The following NEK10 variants were observed in gnomAD, a reference collection of about 807,000 sequenced individuals.
NEK10 encodes NIMA related kinase 10.
A neutral mutation model predicts 159.8 loss-of-function variants in NEK10; 122 were observed. That is an observed-to-expected ratio of 0.76 (90% CI 0.66 to 0.89). The LOEUF (loss-of-function observed/expected upper bound fraction) is 0.89. Ranked by LOEUF, NEK10 falls within the 40% of genes least tolerant of loss-of-function variation. The probability of loss-of-function intolerance (pLI) is 0.00; values close to 1 mark genes in which losing one functional copy is unlikely to be tolerated. For missense variants in NEK10, 1,342 were observed against 1,323.1 expected, an observed-to-expected ratio of 1.01 and a Z score of -0.22; for synonymous variants, 466 against 457.1, an observed-to-expected ratio of 1.02 and a Z score of -0.25.
At chr3:27,193,165 C>G (rs1284565412) in intron 25 of NEK10, among the ~76,000 whole-genome samples, 1 of 152,132 alleles carries the variant, frequency 6.6e-6, no homozygotes, top group East Asian at 1.9e-4. Flanking sequence ...CCATCCCTTC[C>G]TACATTTAAC....
intron 23 of NEK10, among the ~76,000 whole-genome samples, chr3:27,214,614 G>A (rs773131687): frequency 4.6e-5 from 7 of 151,464 alleles, no homozygotes; most frequent in Non-Finnish European, 1.0e-4. Context: ...TTTCCAGAGA[G>A]AAAATACAAA....
chr3:27,121,516 G>C (rs527752928), intron 32 of NEK10, among the ~76,000 whole-genome samples: 1 of 152,090 alleles, frequency 6.6e-6, no homozygotes, highest in Admixed American at 6.6e-5. Flanking sequence ...AAAAAGTCTC[G>C]CAGGATCTGA....
At chr3:27,122,690 C>T (rs1204376188) in intron 32 of NEK10, among the ~76,000 whole-genome samples, 2 of 152,040 alleles carry the variant, frequency 1.3e-5, no homozygotes, top group East Asian at 3.9e-4. Flanking sequence ...AAATCTCATC[C>T]TAATTATAAA....
intron 12 of NEK10, 36 bp downstream of exon 12, chr3:27,304,711 A>T: frequency 7.2e-7 from 1 of 1,386,212 alleles, no homozygotes; most frequent in Non-Finnish European, 1.0e-6. Flanking sequence ...ACTTCAACAA[A>T]CAGGGCAAAG....
At chr3:27,285,493 G>C (rs2042515113) in intron 20 of NEK10, among the ~76,000 whole-genome samples, 1 of 145,806 alleles carries the variant, frequency 6.9e-6, no homozygotes, top group South Asian at 2.2e-4. Flanking sequence ...ACACATGATA[G>C]AAATTTCTGT....
At chr3:27,199,700 A>T (rs1247850961) in intron 25 of NEK10, among the ~76,000 whole-genome samples, 1 of 152,228 alleles carries the variant, frequency 6.6e-6, no homozygotes, top group Admixed American at 6.5e-5. Context: ...AAAGACATGG[A>T]ATCAACATAA....
At chr3:27,313,596 C>T (rs185781324) in intron 7 of NEK10, among the ~76,000 whole-genome samples, 243 of 152,268 alleles carry the variant, frequency 1.6e-3, no homozygotes, top group African/African-American at 5.4e-3. Flanking sequence ...ATTTTGAGAC[C>T]AGCCTAGGCA....
rs188693021 is a variant in NEK10, at chr3:27,288,044, G to A, written c.1744-301C>T. ...ACTATAGAGGTAGAAGGAACCTTAA[G>A]AATTCCTTTAGCACACCTTGTCACA... On this transcript the variant is annotated intron_variant, in intron 19 of 35. Coordinates refer to ENST00000691995, the MANE Select transcript of NEK10 (RefSeq NM_001394966.1). Among the ~76,000 whole-genome samples, 3 of 152,302 alleles carry A rather than the reference G, an allele frequency of 2.0e-5. No individual in the cohort carries two copies. The East Asian group carries it at 5.8e-4, about 29-fold the overall frequency.
At position 27,345,972 on chromosome 3, in the gene NEK10, C is replaced by CAA. The variant is rs1559538364; in HGVS notation, c.263+113_263+114insTT. Reference sequence around the variant, plus strand: ...ACTGAAAATATTAAATTAAGAATCGCTATGGTAAATTTTGAAGCGGGTTTT... The same window carrying CAA: ...ACTGAAAATATTAAATTAAGAATCGCAATATGGTAAATTTTGAAGCGGGTTTT... On this transcript the variant is annotated intron_variant, in intron 4 of 35. Coordinates refer to ENST00000691995, the MANE Select transcript of NEK10 (RefSeq NM_001394966.1). The CAA allele has an allele frequency of 2.4e-5, 22 of 926,146 alleles. No homozygotes were observed. In the East Asian group the frequency reaches 3.5e-4, roughly 15 times the overall value. The allele number at this position is 926,146 out of a possible 1,614,324, so 57.4% of individuals were successfully genotyped here. A position where few individuals can be genotyped will look rare whatever the true frequency, so the allele number is the denominator to read the frequency against.
intron 23 of NEK10, among the ~76,000 whole-genome samples, chr3:27,245,067 A>C (rs1954923998): frequency 6.6e-6 from 1 of 152,056 alleles, no homozygotes; most frequent in Admixed American, 6.5e-5. Context: ...TTTCATCATA[A>C]TTGTTCTTCA....
chr3:27,362,981 C>T (rs1156617325), intron 1 of NEK10, among the ~76,000 whole-genome samples: 1 of 152,100 alleles, frequency 6.6e-6, no homozygotes, highest in Non-Finnish European at 1.5e-5. Context: ...CAATTATGCC[C>T]TTATATGCTT....
chr3:27,247,041 T>A (rs1004723619), intron 23 of NEK10, among the ~76,000 whole-genome samples: 11 of 152,188 alleles, frequency 7.2e-5, no homozygotes, highest in Non-Finnish European at 1.5e-4. Context: ...ATCAGGTTTT[T>A]CCAAATATAA....
At chr3:27,290,498 G>T in intron 19 of NEK10, 119 bp downstream of exon 19, 2 of 707,630 alleles carry the variant, frequency 2.8e-6, no homozygotes, top group Non-Finnish European at 4.4e-6. Context: ...CTGCTTCAGT[G>T]TCAATTATTT....
At chr3:27,303,668 AC>A (rs2044009048) in intron 12 of NEK10, among the ~76,000 whole-genome samples, 2 of 152,240 alleles carry the variant, frequency 1.3e-5, no homozygotes, top group Admixed American at 6.5e-5. Context: ...AATATTGTTA[AC>A]AAAGCTACTG....
In NEK10 at chr3:27,174,705, C is replaced by G. The variant is rs764653166; in HGVS notation, c.2634G>C (p.Arg878Ser). 1.2e-6 allele frequency: 2 copies of G among 1,613,440 alleles called. No individual in the cohort carries two copies. The highest frequency in any genetic ancestry group is 1.1e-5 in the South Asian group (1 of 90,966). ...CATCTGACAGGATTTCGTCACAGGC[C>G]CTGTCTTCGTCTTTACCATAGGAGG... ...FQASYGKDED[R>S]ACDEILSDDN... is the part of the protein sequence containing the mutation. Residue 878 changes from arginine to serine, a missense_variant, in exon 27 of 36, where the codon AGG (arginine) becomes AGC (serine). Physicochemically the swap from Arg to Ser is moderately radical, Grantham distance 110. Transcript: ENST00000691995.
At chr3:27,229,238 C>G (rs957073504) in intron 23 of NEK10, among the ~76,000 whole-genome samples, 1 of 152,088 alleles carries the variant, frequency 6.6e-6, no homozygotes, top group Non-Finnish European at 1.5e-5. Context: ...TGCACAAAGT[C>G]TACAACTTAG....
chr3:27,351,672 G>A (rs1383240467), intron 3 of NEK10, among the ~76,000 whole-genome samples: 1 of 152,032 alleles, frequency 6.6e-6, no homozygotes, highest in African/African-American at 2.4e-5. Context: ...AACAAAAACT[G>A]TCAGGGCTGG....
chr3:27,157,324 A>T (rs937084432), intron 30 of NEK10, among the ~76,000 whole-genome samples: 4 of 152,128 alleles, frequency 2.6e-5, no homozygotes, highest in Non-Finnish European at 1.5e-5. Flanking sequence ...TAAAAAATTT[A>T]AAAAATTATG....
intron 31 of NEK10, among the ~76,000 whole-genome samples, chr3:27,136,103 A>ATTTTTTTTTTTT (rs775843715): frequency 3.3e-5 from 2 of 60,680 alleles, no homozygotes; most frequent in African/African-American, 6.2e-5. Flanking sequence ...TAGGAGATCG[A>ATTTTTTTTTTTT]TTTTTTTTTT....
Sources: gnomAD v4.1 joint callset for allele counts (sites outside exome capture counted in the v4.1 genomes callset) on GRCh38, gnomAD v4.1.1 for gene constraint, MANE v1.5 for transcripts, NCBI Gene and HGNC (gene_info 2026-07-23, HGNC 2026-07-21) for gene names.